FRMD8: variants seen among roughly 807,000 people sequenced by gnomAD.
FRMD8 encodes the protein FERM domain containing 8.
FRMD8 carries 37 observed loss-of-function variants against 54.2 expected under a neutral mutation model. That is an observed-to-expected ratio of 0.68 (90% CI 0.53 to 0.90). The LOEUF is 0.90. FRMD8 is among the 40% of genes least tolerant of loss of function. The pLI is 0.00. For synonymous variants in FRMD8, 246 were observed against 286.9 expected (o/e 0.86, Z 1.44); for missense variants, 585 against 653.7 (o/e 0.89, Z 1.15).
At chr11:65,382,116 C>A, upstream of FRMD8, 2 of 665,280 alleles carry the variant, frequency 3.0e-6, no homozygotes, top group Admixed American at 4.4e-5. The surrounding 1 kb of genome is among the most constrained non-coding windows in gnomAD (Gnocchi z 4.4). Flanking sequence ...CAGAGGAGAG[C>A]GAGCCAGTTC....
At chr11:65,373,059 C>A in the FRMD8 span, among the ~76,000 whole-genome samples, 2 of 152,200 alleles carry the variant, frequency 1.3e-5, no homozygotes, top group Non-Finnish European at 2.9e-5. Context: ...CCAGACCAGG[C>A]TGGCCAACAT....
rs1856341948 is a variant in FRMD8 at position 65,411,879 on chromosome 11, TG to T, written c.*521del. ...GACCAGTTTCCCACCTTCCTCCTGC[TG>T]GTGCTCCATCCCCCAATACCAGGCT... On this transcript the variant is annotated 3_prime_UTR_variant, in exon 11 of 11. Coordinates refer to ENST00000317568, the MANE Select transcript of FRMD8 (RefSeq NM_031904.5). 1 of 152,814 alleles carries T rather than the reference TG, an allele frequency of 6.5e-6. No homozygotes were observed. 9.5% of individuals were successfully genotyped at this position (152,814 alleles called of 1,614,324 possible).
chr11:65,382,456 G>T (rs1389320520), upstream of FRMD8: 2 of 182,504 alleles, frequency 1.1e-5, no homozygotes, highest in East Asian at 1.4e-4. This position sits in a 1 kb window ranked among gnomAD's most constrained non-coding sequence, Gnocchi z 4.4. Context: ...GTGGCAGGGT[G>T]GGGAGGAGCC....
chr11:65,389,171 A>T (rs1310216016), intron 2 of FRMD8, among the ~76,000 whole-genome samples, 190 bp from the exon 3 acceptor site: 1 of 152,082 alleles, frequency 6.6e-6, no homozygotes, highest in East Asian at 1.9e-4. Flanking sequence ...AGCATTCGTG[A>T]TAGGGTCTTT....
At chr11:65,394,792 C>T (rs1290028116) in intron 6 of FRMD8, among the ~76,000 whole-genome samples, 6 of 152,170 alleles carry the variant, frequency 3.9e-5, no homozygotes, top group South Asian at 4.1e-4. Context: ...GTTCCCCAGG[C>T]GGTCGGCAAG....
At chr11:65,377,279 C>T in the FRMD8 span, 2 of 1,415,096 alleles carry the variant, frequency 1.4e-6, no homozygotes, top group South Asian at 3.1e-5. Context: ...CCTCCCTTGG[C>T]ATCAGGCCCA....
At chr11:65,394,004 T>C in intron 4 of FRMD8, 37 bp from the exon 5 acceptor site, 9 of 1,609,416 alleles carry the variant, frequency 5.6e-6, no homozygotes, top group Non-Finnish European at 7.7e-6. Context: ...CTAAGCAGAG[T>C]GGGGATGCCC....
the FRMD8 span, among the ~76,000 whole-genome samples, chr11:65,370,940 G>A: frequency 6.6e-6 from 1 of 152,170 alleles, no homozygotes; most frequent in African/African-American, 2.4e-5. Context: ...AAAGGGTTAA[G>A]AGGAGTTAGA....
At chr11:65,380,512 G>C in the FRMD8 span, 7 of 1,390,688 alleles carry the variant, frequency 5.0e-6, no homozygotes, top group Non-Finnish European at 6.6e-6. Flanking sequence ...CGGGACTCTG[G>C]GAGAATCACC....
intron 6 of FRMD8, among the ~76,000 whole-genome samples, chr11:65,395,728 C>G (rs1855941464): frequency 6.6e-6 from 1 of 152,156 alleles, no homozygotes. Flanking sequence ...TTGGCGTTTT[C>G]ACGTTTTTAT....
the FRMD8 span, among the ~76,000 whole-genome samples, chr11:65,374,294 C>T: frequency 1.7e-5 from 2 of 119,948 alleles, no homozygotes; most frequent in South Asian, 2.7e-4. Context: ...TTAGGTGACT[C>T]GCAGAAGACC....
the FRMD8 span, chr11:65,377,570 A>C: frequency 4.6e-6 from 1 of 217,314 alleles, no homozygotes; most frequent in Non-Finnish European, 7.9e-6. Flanking sequence ...GCACAAGGCC[A>C]GCCCCTCCTG....
intron 10 of FRMD8, among the ~76,000 whole-genome samples, chr11:65,408,482 C>T (rs1856257839): frequency 6.6e-6 from 1 of 151,742 alleles, no homozygotes. Context: ...TGACCCAGTC[C>T]TCTGCTTGTG....
chr11:65,387,409 A>C (rs951268746), intron 2 of FRMD8: 3 of 608,906 alleles, frequency 4.9e-6, no homozygotes, highest in Non-Finnish European at 8.8e-6. Context: ...TCATGCTTGT[A>C]ATCCCAGAAC....
chr11:65,401,006 A>C (rs1349015064), intron 9 of FRMD8, 139 bp downstream of exon 9: 2 of 977,716 alleles, frequency 2.0e-6, no homozygotes, highest in Non-Finnish European at 2.9e-6. Flanking sequence ...GCCTGGGCAC[A>C]AGGGGTGCCT....
chr11:65,394,374 G>C lies in FRMD8; in HGVS notation c.530G>C (p.Arg177Pro). ...DCEALGALVC[R>P]VQLGPYQPGR... ...GAGGCTCTGGGCGCCCTGGTGTGCC[G>C]CGTGCAGCTTGGGCCCTACCAGCCC... The change falls in exon 6 of 11, where the codon CGC becomes CCC. Residue 177 changes from arginine (R) to proline (P), a missense_variant. Transcript: ENST00000317568. The C allele has an allele frequency of 6.3e-7, 1 of 1,575,822 alleles. No homozygotes were observed. The highest frequency in any genetic ancestry group is 8.6e-7 in the Non-Finnish European group (1 of 1,161,924).
the FRMD8 span, chr11:65,380,030 G>A: frequency 6.3e-7 from 1 of 1,587,228 alleles, no homozygotes. Flanking sequence ...CAACCAGCAG[G>A]AGAGGCAGGA....
rs1319103397 is a variant in FRMD8, at chr11:65,393,557, C to G, written c.254-16C>G. On this transcript the variant is annotated splice_polypyrimidine_tract_variant and intron_variant, in intron 3 of 10. Transcript: ENST00000317568. Reference sequence around the variant, plus strand: ...GGCCGGAGGCTGCATGGGCCACTCCCCATCTCGTCCTGCAGAGGTGCAGCT... The same window carrying G: ...GGCCGGAGGCTGCATGGGCCACTCCGCATCTCGTCCTGCAGAGGTGCAGCT... The G allele has an allele frequency of 6.2e-7, 1 of 1,600,484 alleles. No homozygotes were observed. Among genetic ancestry groups the G allele is most frequent in the Non-Finnish European group, 8.5e-7 (1 of 1,174,926 alleles).
chr11:65,403,734 C>T (rs1283930577), intron 9 of FRMD8, among the ~76,000 whole-genome samples: 1 of 152,274 alleles, frequency 6.6e-6, no homozygotes, highest in Non-Finnish European at 1.5e-5. Flanking sequence ...AAGTTCCTTT[C>T]TGACGCTGGC....
Sources: gnomAD v4.1 joint callset for allele counts (sites outside exome capture counted in the v4.1 genomes callset) on GRCh38, gnomAD v4.1.1 for gene constraint, Gnocchi (gnomAD v3.1) non-coding constraint, MANE v1.5 for transcripts, NCBI Gene and HGNC (gene_info 2026-07-23, HGNC 2026-07-21) for gene names.